The following PARVB variants were observed in gnomAD, a reference collection of about 807,000 sequenced individuals.
PARVB encodes beta-parvin.
A neutral mutation model predicts 47.0 loss-of-function variants in PARVB; 46 were observed. The observed-to-expected ratio is 0.98, with a 90% CI of 0.77 to 1.25. PARVB has a LOEUF of 1.25. Among genes scored for constraint, PARVB ranks in the 50% most tolerant of loss-of-function variants. The pLI is 0.00. For synonymous variants in PARVB, 196 were observed against 196.3 expected (o/e 1.00, Z 0.01); for missense variants, 473 against 471.6 (o/e 1.00, Z -0.03).
intron 1 of PARVB, among the ~76,000 whole-genome samples, chr22:44,043,174 C>T (rs1182213747): frequency 1.3e-5 from 2 of 152,100 alleles, no homozygotes; most frequent in Non-Finnish European, 2.9e-5. Flanking sequence ...TGTGTGATTC[C>T]ATTTATTTGA....
chr22:44,063,565 G>A (rs5764076), intron 1 of PARVB, among the ~76,000 whole-genome samples: 13,730 of 152,180 alleles, frequency 0.09, 697 homozygotes, highest in East Asian at 0.12. Context: ...AGCACTTGCG[G>A]TGTGTCCTGT....
intron 4 of PARVB, among the ~76,000 whole-genome samples, chr22:44,130,709 A>G (rs770464331): frequency 2.6e-5 from 4 of 152,204 alleles, no homozygotes; most frequent in Admixed American, 6.5e-5. Flanking sequence ...TGGGACCCAC[A>G]GGGACAGTCT....
chr22:44,004,091 T>G (rs1207397523), intron 2 of PARVB, among the ~76,000 whole-genome samples: 1 of 152,190 alleles, frequency 6.6e-6, no homozygotes, highest in Non-Finnish European at 1.5e-5. Flanking sequence ...TGTCATTCTC[T>G]GGTCAGAGAA....
intron 1 of PARVB, among the ~76,000 whole-genome samples, chr22:44,088,723 T>A (rs986602934): frequency 7.5e-4 from 114 of 152,268 alleles, no homozygotes; most frequent in African/African-American, 2.6e-3. Context: ...TTGCCCACCT[T>A]GGCCTCCCAG....
At chr22:44,154,976 G>A (rs893084991) in intron 10 of PARVB, among the ~76,000 whole-genome samples, 1 of 120,460 alleles carries the variant, frequency 8.3e-6, no homozygotes, top group Non-Finnish European at 1.7e-5. Context: ...AGTCTGTGTG[G>A]TGTGTGTGTG....
At chr22:44,054,900 G>A (rs2051276081) in intron 1 of PARVB, among the ~76,000 whole-genome samples, 1 of 143,056 alleles carries the variant, frequency 7.0e-6, no homozygotes, top group Non-Finnish European at 1.5e-5. Context: ...TGAGGCAGGA[G>A]AATCACTTGA....
At chr22:44,124,032 C>A (rs2053132395) in intron 4 of PARVB, among the ~76,000 whole-genome samples, 1 of 152,232 alleles carries the variant, frequency 6.6e-6, no homozygotes, top group South Asian at 2.1e-4. Flanking sequence ...GGTACCCCAT[C>A]CACCCCAAGT....
intron 1 of PARVB, among the ~76,000 whole-genome samples, chr22:44,066,024 A>G (rs2051516448): frequency 6.6e-6 from 1 of 152,196 alleles, no homozygotes; most frequent in Admixed American, 6.5e-5. Flanking sequence ...GTAGATACCC[A>G]GTAGTCTCCT....
intron 1 of PARVB, among the ~76,000 whole-genome samples, chr22:44,055,257 G>A (rs2051285158): frequency 6.6e-6 from 1 of 152,022 alleles, no homozygotes; most frequent in Admixed American, 6.6e-5. Context: ...GGTGACCAGT[G>A]CCGCCTTGAA....
At chr22:44,075,214 A>T (rs2051742305) in intron 1 of PARVB, among the ~76,000 whole-genome samples, 1 of 152,336 alleles carries the variant, frequency 6.6e-6, no homozygotes, top group South Asian at 2.1e-4. Context: ...CCTGCCTGGG[A>T]CACACACAAA....
chr22:44,107,459 C>T (rs754280499), intron 3 of PARVB: 1 of 152,214 alleles, frequency 6.6e-6, no homozygotes, highest in African/African-American at 2.4e-5. Context: ...AGATTCTTAG[C>T]ACGTAGCGCC....
chr22:44,144,376 C>T (rs2053619679), intron 8 of PARVB: 1 of 152,278 alleles, frequency 6.6e-6, no homozygotes, highest in Non-Finnish European at 1.5e-5. Context: ...CTGGAGAGTC[C>T]ACACCCCCAT....
chr22:44,034,269 T>G, intron 1 of PARVB, among the ~76,000 whole-genome samples: 1 of 125,366 alleles, frequency 8.0e-6, no homozygotes, highest in Non-Finnish European at 1.9e-5. Context: ...TATACATATA[T>G]ATGTTTGAGA....
chr22:44,063,917 TC>T (rs2051467580), intron 1 of PARVB, among the ~76,000 whole-genome samples: 1 of 152,122 alleles, frequency 6.6e-6, no homozygotes, highest in African/African-American at 2.4e-5. Context: ...TTCCCAGGCC[TC>T]CCCGGCTTCC....
chr22:44,030,639 C>T (rs900034668), intron 1 of PARVB, among the ~76,000 whole-genome samples: 2 of 151,960 alleles, frequency 1.3e-5, no homozygotes, highest in Non-Finnish European at 2.9e-5. Context: ...GGCAGTGCCC[C>T]GAGGAGGTGG....
At chr22:44,121,375 A>T (rs1157334618) in intron 4 of PARVB, among the ~76,000 whole-genome samples, 1 of 152,090 alleles carries the variant, frequency 6.6e-6, no homozygotes, top group African/African-American at 2.4e-5. Context: ...TTCACCCATG[A>T]TGCGCTCCCC....
chr22:44,041,773 C>G (rs2051023303), intron 1 of PARVB, among the ~76,000 whole-genome samples: 1 of 152,146 alleles, frequency 6.6e-6, no homozygotes, highest in African/African-American at 2.4e-5. Context: ...GTGGTCCCAG[C>G]TACCCCGGAG....
chr22:44,156,054 G>A (rs1380074734), intron 10 of PARVB, among the ~76,000 whole-genome samples: 8 of 152,014 alleles, frequency 5.3e-5, no homozygotes, highest in Admixed American at 5.2e-4. Context: ...GGAGGCGGAG[G>A]CAGAAGAATT....
intron 1 of PARVB, among the ~76,000 whole-genome samples, chr22:44,059,293 A>C (rs12485168): frequency 0.16 from 24,318 of 150,464 alleles, 2,050 homozygotes; most frequent in Admixed American, 0.19. Context: ...TGATCCACCC[A>C]CCTCAGCCTC....
Sources: gnomAD v4.1 joint callset for allele counts (sites outside exome capture counted in the v4.1 genomes callset) on GRCh38, gnomAD v4.1.1 for gene constraint, MANE v1.5 for transcripts, NCBI Gene and HGNC (gene_info 2026-07-23, HGNC 2026-07-21) for gene names.